Variants in ARHGEF28 observed in about 807,000 individuals in gnomAD.
The protein encoded by ARHGEF28 is 190 kDa guanine nucleotide exchange factor.
Under a neutral mutation model 206.6 loss-of-function variants are expected in ARHGEF28, and 152 were observed. The observed-to-expected ratio is 0.74, with a 90% confidence interval of 0.64 to 0.84. The LOEUF is 0.84. ARHGEF28 is among the 40% of genes least tolerant of loss of function. The pLI is 0.00. For missense variants in ARHGEF28, 2,028 were observed against 2,073.2 expected (o/e 0.98, Z 0.42); for synonymous variants, 763 against 776.4 (o/e 0.98, Z 0.29).
At chr5:73,884,250 A>G (rs550723972) in intron 24 of ARHGEF28, among the ~76,000 whole-genome samples, 1 of 152,204 alleles carries the variant, frequency 6.6e-6, no homozygotes, top group African/African-American at 2.4e-5. Context: ...CAAAATGTCA[A>G]CTCTCCCAAG....
At position 73,805,791 on chromosome 5, in the gene ARHGEF28, T is replaced by C. The variant is rs147361423; in HGVS notation, c.1024+10400T>C. ...ATGTACATAGGTTAGGATACATTTATATATTTTCTTGATCTGGCAGTTAAG... is the reference window on the plus strand; with the variant it reads ...ATGTACATAGGTTAGGATACATTTACATATTTTCTTGATCTGGCAGTTAAG... On this transcript the variant is annotated intron_variant, in intron 9 of 35. Coordinates refer to ENST00000513042, the MANE Select transcript of ARHGEF28 (RefSeq NM_001177693.2). Among the ~76,000 whole-genome samples the C allele has an allele frequency of 2.9e-4, 44 of 152,316 alleles. 1 individual carries two copies. Among genetic ancestry groups the C allele is most frequent in the Middle Eastern group, 3.4e-3 (1 of 294 alleles).
At chr5:73,706,760 G>C in intron 2 of ARHGEF28, among the ~76,000 whole-genome samples, 1 of 152,182 alleles carries the variant, frequency 6.6e-6, no homozygotes, top group East Asian at 1.9e-4. Flanking sequence ...TCATTACTTA[G>C]GGGAGGTCAA....
intron 1 of ARHGEF28, among the ~76,000 whole-genome samples, chr5:73,657,863 A>G (rs894163619): frequency 3.9e-5 from 6 of 152,104 alleles, no homozygotes; most frequent in Admixed American, 2.0e-4. Flanking sequence ...CTTACCACAC[A>G]TGGGCAAGAT....
intron 4 of ARHGEF28, among the ~76,000 whole-genome samples, chr5:73,760,833 A>T (rs1326488974): frequency 6.6e-6 from 1 of 152,196 alleles, no homozygotes; most frequent in African/African-American, 2.4e-5. Flanking sequence ...GTAAACTCTT[A>T]TTGAACACAT....
At chr5:73,754,972 G>A (rs182426363) in intron 4 of ARHGEF28, among the ~76,000 whole-genome samples, 1 of 151,590 alleles carries the variant, frequency 6.6e-6, no homozygotes, top group African/African-American at 2.4e-5. Context: ...CCTCAGGCGA[G>A]CCTCCCACCT....
intron 4 of ARHGEF28, among the ~76,000 whole-genome samples, chr5:73,754,060 A>G (rs1344615577): frequency 6.6e-6 from 1 of 152,182 alleles, no homozygotes; most frequent in South Asian, 2.1e-4. Context: ...TACAACATAT[A>G]TTATTGCTTT....
chr5:73,909,949 C>T lies in ARHGEF28; in HGVS notation c.4647+52C>T. 2.0e-6 allele frequency: 3 copies of T among 1,464,278 alleles called. No individual in the cohort carries two copies. In the African/African-American group the frequency reaches 4.3e-5, roughly 21 times the overall value. 90.7% of individuals were successfully genotyped at this position (1,464,278 alleles called of 1,614,324 possible). On this transcript the variant is annotated intron_variant, in intron 34 of 35. Transcript: ENST00000513042. ...GCAGCCTCTCAAAGACAGGGGTGGG[C>T]CTGGGGGCTCCTAGGACACTAACCA...
intron 2 of ARHGEF28, among the ~76,000 whole-genome samples, chr5:73,741,217 G>T (rs1273892443): frequency 6.6e-6 from 1 of 151,624 alleles, no homozygotes; most frequent in Non-Finnish European, 1.5e-5. Context: ...GGAGTCATTT[G>T]CTGACCTCTG....
At chr5:73,934,880 T>C (rs909676790) in intron 35 of ARHGEF28, among the ~76,000 whole-genome samples, 1 of 152,230 alleles carries the variant, frequency 6.6e-6, no homozygotes, top group Non-Finnish European at 1.5e-5. Flanking sequence ...TAGAGAAACA[T>C]ACTTTGAAAT....
chr5:73,659,005 AC>A (rs369523140), intron 1 of ARHGEF28, among the ~76,000 whole-genome samples: 5 of 145,910 alleles, frequency 3.4e-5, no homozygotes, highest in African/African-American at 1.0e-4. Flanking sequence ...ACACACACAC[AC>A]CACACTCACA....
chr5:73,712,597 C>T (rs1348500449), intron 2 of ARHGEF28, among the ~76,000 whole-genome samples: 1 of 152,086 alleles, frequency 6.6e-6, no homozygotes, highest in African/African-American at 2.4e-5. Context: ...AAACTGAGAC[C>T]CAATTTGCAT....
chr5:73,643,444 G>A (rs534746496), intron 1 of ARHGEF28, among the ~76,000 whole-genome samples: 1 of 152,174 alleles, frequency 6.6e-6, no homozygotes, highest in African/African-American at 2.4e-5. Flanking sequence ...TATATTTTTG[G>A]AAGACATTTA....
chr5:73,877,407 G>A (rs1308004589), intron 22 of ARHGEF28, among the ~76,000 whole-genome samples: 1 of 149,054 alleles, frequency 6.7e-6, no homozygotes, highest in African/African-American at 2.5e-5. Context: ...AGGGTTTTTT[G>A]CGTCTCTATT....
chr5:73,849,016 G>T lies in ARHGEF28; in HGVS notation c.1676G>T (p.Cys559Phe). The T allele has an allele frequency of 6.3e-7, 1 of 1,579,564 alleles. No homozygotes were observed. Among genetic ancestry groups the T allele is most frequent in the South Asian group, 1.2e-5 (1 of 86,220 alleles). The change falls in exon 13 of 36, where the codon TGC becomes TTC. Residue 559 changes from cysteine to phenylalanine, a missense_variant. Transcript: ENST00000513042. Reference protein sequence around the residue: ...LSGVRSRSYSCSSPKISLGKT... With the variant: ...LSGVRSRSYSFSSPKISLGKT... The stretch of plus-strand genomic sequence containing the variant: ...GGAGTTCGCTCACGTTCTTATTCTT[G>T]CTCATCACCCAAAATTTCTTTAGGA...
Position 73,749,852 on chromosome 5 carries a change from T to C in ARHGEF28, c.49T>C (p.Tyr17His). 6.2e-7 allele frequency: 1 copy of C among 1,614,014 alleles called. No homozygotes were observed. The highest frequency in any genetic ancestry group is 8.5e-7 in the Non-Finnish European group (1 of 1,179,880). ...CCTTTTTCAGGGGCAGATGATGATC[T>C]ATGCGAAGTTTGACAAAAATGTGTA... ...EAPLYGQMMIYAKFDKNVYLP... is the reference protein window; with the variant it reads ...EAPLYGQMMIHAKFDKNVYLP... The change falls in exon 3 of 36, where the codon TAT (tyrosine) becomes CAT (histidine). Residue 17 changes from tyrosine to histidine, a missense_variant. Coordinates refer to ENST00000513042, the MANE Select transcript of ARHGEF28 (RefSeq NM_001177693.2).
At chr5:73,937,087 C>T (rs1322912487) in intron 35 of ARHGEF28, among the ~76,000 whole-genome samples, 12 of 152,184 alleles carry the variant, frequency 7.9e-5, no homozygotes, top group Non-Finnish European at 1.2e-4. Flanking sequence ...CAGCAGGTTG[C>T]ACCTAAGGGC....
intron 4 of ARHGEF28, among the ~76,000 whole-genome samples, chr5:73,768,374 G>A (rs769247012): frequency 6.6e-6 from 1 of 152,170 alleles, no homozygotes; most frequent in Admixed American, 6.5e-5. Flanking sequence ...TGGGAGGGAG[G>A]CTTTACCCTG....
At chr5:73,799,280 TG>T (rs1754997975) in intron 9 of ARHGEF28, among the ~76,000 whole-genome samples, 1 of 152,132 alleles carries the variant, frequency 6.6e-6, no homozygotes. Context: ...GCTGTAAAAC[TG>T]GAATCCCAAT....
intron 9 of ARHGEF28, among the ~76,000 whole-genome samples, chr5:73,827,621 G>C (rs1376906308): frequency 6.6e-6 from 1 of 152,128 alleles, no homozygotes; most frequent in Non-Finnish European, 1.5e-5. Context: ...TTGAACCCAG[G>C]CAGTTCAGGG....
Sources: gnomAD v4.1 joint callset for allele counts (sites outside exome capture counted in the v4.1 genomes callset) on GRCh38, gnomAD v4.1.1 for gene constraint, MANE v1.5 for transcripts, NCBI Gene and HGNC (gene_info 2026-07-23, HGNC 2026-07-21) for gene names.